B3GALT1: variants seen among roughly 807,000 people sequenced by gnomAD.
B3GALT1 encodes UDP-Gal:betaGlcNAc beta 1,3-galactosyltransferase, polypeptide 1.
Under a neutral mutation model 23.2 loss-of-function variants are expected in B3GALT1, and 10 were observed. The observed-to-expected ratio is 0.43, with a 90% CI of 0.27 to 0.73. B3GALT1 has a LOEUF of 0.73. B3GALT1 is among the 30% of genes least tolerant of loss of function. The pLI is 0.21. For missense variants in B3GALT1, 299 were observed against 405.4 expected (o/e 0.74, Z 2.25); for synonymous variants, 156 against 141.5 (o/e 1.10, Z -0.73).
At chr2:167,707,332 A>AT (rs1006816482) in intron 3 of B3GALT1, among the ~76,000 whole-genome samples, 2 of 152,096 alleles carry the variant, frequency 1.3e-5, no homozygotes, top group Non-Finnish European at 2.9e-5. Context: ...ATAGATAAGT[A>AT]TTGACAGATA....
At chr2:167,597,486 CA>C (rs1250911091) in intron 2 of B3GALT1, among the ~76,000 whole-genome samples, 1 of 152,142 alleles carries the variant, frequency 6.6e-6, no homozygotes, top group Non-Finnish European at 1.5e-5. Context: ...AGCTACCATT[CA>C]GGGGCAGAAT....
intron 1 of B3GALT1, among the ~76,000 whole-genome samples, chr2:167,480,919 C>T (rs1467654338): frequency 1.3e-5 from 2 of 152,168 alleles, no homozygotes; most frequent in Non-Finnish European, 2.9e-5. Flanking sequence ...CTCTTCAGTG[C>T]TGTAGAAAAA....
At chr2:167,402,063 G>A (rs1057106189) in intron 1 of B3GALT1, among the ~76,000 whole-genome samples, 3 of 152,132 alleles carry the variant, frequency 2.0e-5, no homozygotes, top group Non-Finnish European at 4.4e-5. Context: ...AAGAAATTCA[G>A]ATGGCATAAA....
chr2:167,466,300 T>C (rs764270217), intron 1 of B3GALT1, among the ~76,000 whole-genome samples: 1 of 152,164 alleles, frequency 6.6e-6, no homozygotes, highest in Non-Finnish European at 1.5e-5. Flanking sequence ...GAAATTTTCA[T>C]GTTATTTACG....
chr2:167,560,334 C>T (rs917237793), intron 2 of B3GALT1, among the ~76,000 whole-genome samples: 4 of 152,066 alleles, frequency 2.6e-5, no homozygotes, highest in Non-Finnish European at 5.9e-5. Context: ...ACAACTGGTA[C>T]CAGCAGCTGC....
At chr2:167,293,487 C>G (rs1051237919) in intron 1 of B3GALT1, among the ~76,000 whole-genome samples, 153 bp downstream of exon 1, 2 of 152,146 alleles carry the variant, frequency 1.3e-5, no homozygotes, top group South Asian at 4.1e-4. Context: ...TGCCCGCGCC[C>G]GTGCGGCTCC....
At chr2:167,775,367 G>A (rs1239886819) in intron 3 of B3GALT1, among the ~76,000 whole-genome samples, 4 of 152,014 alleles carry the variant, frequency 2.6e-5, no homozygotes, top group Non-Finnish European at 1.5e-5. Flanking sequence ...TCAGGAGTTC[G>A]AGACCAGCCT....
chr2:167,510,872 A>G (rs938790638), intron 2 of B3GALT1, among the ~76,000 whole-genome samples: 2 of 152,178 alleles, frequency 1.3e-5, no homozygotes, highest in Non-Finnish European at 2.9e-5. Flanking sequence ...TATAGGTATA[A>G]ATATGGGAAT....
intron 4 of B3GALT1, among the ~76,000 whole-genome samples, chr2:167,830,795 A>G (rs1013037945): frequency 6.6e-6 from 1 of 152,246 alleles, no homozygotes; most frequent in Non-Finnish European, 1.5e-5. Flanking sequence ...TTCATTAAAA[A>G]TACATGCACA....
chr2:167,711,569 AT>A (rs1690703040), intron 3 of B3GALT1, among the ~76,000 whole-genome samples: 1 of 152,148 alleles, frequency 6.6e-6, no homozygotes, highest in African/African-American at 2.4e-5. Flanking sequence ...ATCATTCAGT[AT>A]TTTTTTTCTG....
intron 3 of B3GALT1, among the ~76,000 whole-genome samples, chr2:167,774,156 T>A (rs529323870): frequency 6.6e-6 from 1 of 152,368 alleles, no homozygotes; most frequent in East Asian, 1.9e-4. Context: ...AAGTAATTTC[T>A]ATTTTGTGTA....
chr2:167,457,414 C>T (rs1173540876), intron 1 of B3GALT1, among the ~76,000 whole-genome samples: 1 of 151,884 alleles, frequency 6.6e-6, no homozygotes. Context: ...CTCAGGTGAT[C>T]CACCCGCCTT....
chr2:167,566,044 A>G (rs1186856887), intron 2 of B3GALT1, among the ~76,000 whole-genome samples: 1 of 152,068 alleles, frequency 6.6e-6, no homozygotes, highest in Non-Finnish European at 1.5e-5. Context: ...ATAAAGACAC[A>G]TGCATACATA....
chr2:167,563,148 C>T (rs1006730070), intron 2 of B3GALT1, among the ~76,000 whole-genome samples: 31 of 152,074 alleles, frequency 2.0e-4, no homozygotes, highest in Non-Finnish European at 4.4e-5. Flanking sequence ...ATGGCCCGGT[C>T]TCAGTGAGCC....
intron 3 of B3GALT1, among the ~76,000 whole-genome samples, chr2:167,659,665 T>C (rs1256556968): frequency 6.6e-6 from 1 of 152,058 alleles, no homozygotes; most frequent in Non-Finnish European, 1.5e-5. Context: ...GAAACATTTG[T>C]AAAGAGACCA....
chr2:167,862,580 C>A (rs1690123186), intron 4 of B3GALT1: 1 of 152,184 alleles, frequency 6.6e-6, no homozygotes, highest in Admixed American at 6.5e-5. Flanking sequence ...TATCTGGGCA[C>A]CCCTTAGCCC....
At chr2:167,598,488 G>A (rs749151376) in intron 2 of B3GALT1, among the ~76,000 whole-genome samples, 5 of 151,992 alleles carry the variant, frequency 3.3e-5, no homozygotes, top group Admixed American at 1.3e-4. Context: ...AAGTTTTGTC[G>A]CTGTAGAAAA....
chr2:167,698,630 G>C lies in B3GALT1; in HGVS notation c.-352+51664G>C, dbSNP rs2105507532. Among the ~76,000 whole-genome samples the C allele has an allele frequency of 1.3e-5, 2 of 152,238 alleles. 1 individual carries two copies. The highest frequency in any genetic ancestry group is 4.2e-4 in the South Asian group (2 of 4,818). On this transcript the variant is annotated intron_variant, in intron 3 of 4. Transcript: ENST00000392690. ...GCAAAGAAAATGAGATAGACTTACT[G>C]GCTTTTATTTTAGAGCTTCTGAAAG...
intron 3 of B3GALT1, among the ~76,000 whole-genome samples, chr2:167,699,863 C>T (rs921067835): frequency 2.6e-5 from 4 of 152,098 alleles, no homozygotes; most frequent in African/African-American, 9.7e-5. Flanking sequence ...GAGGCACCCG[C>T]CACCATACCT....
Sources: gnomAD v4.1 joint callset for allele counts (sites outside exome capture counted in the v4.1 genomes callset) on GRCh38, gnomAD v4.1.1 for gene constraint, MANE v1.5 for transcripts, NCBI Gene and HGNC (gene_info 2026-07-23, HGNC 2026-07-21) for gene names.